Variants in PLEKHA5 observed in about 807,000 individuals in gnomAD.
PLEKHA5 encodes pleckstrin homology domain containing A5.
PLEKHA5 carries 55 observed loss-of-function variants against 181.9 expected under a neutral mutation model. That is an observed-to-expected ratio of 0.30 (90% CI 0.24 to 0.38). PLEKHA5 has a LOEUF of 0.38. PLEKHA5 is among the 10% of genes least tolerant of loss of function. PLEKHA5 has a pLI of 1.00. For missense variants in PLEKHA5, 1,432 were observed against 1,549.5 expected (o/e 0.92, Z 1.27); for synonymous variants, 535 against 529.4 (o/e 1.01, Z -0.15).
intron 3 of PLEKHA5, among the ~76,000 whole-genome samples, chr12:19,172,459 G>A (rs113485370): frequency 2.3e-3 from 354 of 151,022 alleles, no homozygotes; most frequent in South Asian, 0.012. Context: ...CAAACGACCC[G>A]GGGGGGCAAA....
At position 19,293,551 on chromosome 12, in the gene PLEKHA5, T is replaced by TA. The variant is rs1376659090; in HGVS notation, c.2037+1860dup. Reference sequence around the variant, plus strand: ...GAAAGCTGCTAAGATACATGGGAAATAAAAAACTCCTTTGTATTTAGAGCT... The same window carrying TA: ...GAAAGCTGCTAAGATACATGGGAAATAAAAAAACTCCTTTGTATTTAGAGCT... On this transcript the variant is annotated intron_variant, in intron 15 of 31. Transcript: ENST00000429027. Among the ~76,000 whole-genome samples the TA allele has an allele frequency of 4.6e-5, 7 of 152,172 alleles. No individual in the cohort carries two copies. The South Asian group carries it at 1.0e-3, about 23-fold the overall frequency.
chr12:19,357,618 G>GGTTT (rs34121449), intron 26 of PLEKHA5, among the ~76,000 whole-genome samples: 30,901 of 150,938 alleles, frequency 0.2, 3,544 homozygotes, highest in East Asian at 0.3. Context: ...GAGTTATGGG[G>GGTTT]GTTTGTTTGT....
chr12:19,272,552 GAC>G (rs1491162198), intron 10 of PLEKHA5, among the ~76,000 whole-genome samples: 1 of 152,018 alleles, frequency 6.6e-6, no homozygotes, highest in Non-Finnish European at 1.5e-5. Context: ...CAACCTAGGT[GAC>G]CAGTGAGACC....
chr12:19,343,308 C>G lies in PLEKHA5; in HGVS notation c.2551-15C>G, dbSNP rs767508272. 1 of 1,522,700 alleles carries G rather than the reference C, an allele frequency of 6.6e-7. No homozygotes were observed. The allele number at this position is 1,522,700 out of a possible 1,614,324, so 94.3% of individuals were successfully genotyped here. A position where few individuals can be genotyped will look rare whatever the true frequency, so the allele number is the denominator to read the frequency against. ...TTTTTTTTCTTATATATGGTCTATC[C>G]ATTTTTACTGATAGACGGAATCAGC... On this transcript the variant is annotated splice_polypyrimidine_tract_variant and intron_variant, in intron 21 of 31. Coordinates refer to ENST00000429027, the MANE Select transcript of PLEKHA5 (RefSeq NM_001256470.2).
intron 15 of PLEKHA5, among the ~76,000 whole-genome samples, chr12:19,295,903 A>G (rs999301970): frequency 3.9e-5 from 6 of 152,154 alleles, no homozygotes; most frequent in Non-Finnish European, 7.3e-5. Flanking sequence ...AGTATCACAC[A>G]CCCTAACCAC....
At chr12:19,239,180 A>C (rs189094148) in intron 3 of PLEKHA5, among the ~76,000 whole-genome samples, 1 of 152,220 alleles carries the variant, frequency 6.6e-6, no homozygotes, top group Admixed American at 6.5e-5. Flanking sequence ...TACGAGGAGG[A>C]TATCTTGATC....
At chr12:19,144,617 A>T (rs1591800525) in intron 3 of PLEKHA5, among the ~76,000 whole-genome samples, 3 of 152,206 alleles carry the variant, frequency 2.0e-5, no homozygotes, top group East Asian at 1.9e-4. Flanking sequence ...GCCAGAGATG[A>T]TAAATAAGTT....
At chr12:19,136,218 T>G (rs2035605520) in intron 3 of PLEKHA5, among the ~76,000 whole-genome samples, 1 of 152,172 alleles carries the variant, frequency 6.6e-6, no homozygotes. Flanking sequence ...TTTAATACTT[T>G]TTTTCTGAAT....
intron 7 of PLEKHA5, among the ~76,000 whole-genome samples, chr12:19,263,572 A>G (rs2069259310): frequency 6.6e-6 from 1 of 152,222 alleles, no homozygotes; most frequent in Non-Finnish European, 1.5e-5. Flanking sequence ...TTTACAGATA[A>G]TGGAAATTAA....
intron 21 of PLEKHA5, among the ~76,000 whole-genome samples, chr12:19,339,370 C>T (rs1409536771): frequency 6.6e-6 from 1 of 152,116 alleles, no homozygotes; most frequent in Non-Finnish European, 1.5e-5. Context: ...AAAATTTGTT[C>T]TTAACTCACA....
intron 25 of PLEKHA5, among the ~76,000 whole-genome samples, chr12:19,349,619 TA>T (rs1408652559): frequency 6.6e-6 from 1 of 151,664 alleles, no homozygotes; most frequent in Non-Finnish European, 1.5e-5. Flanking sequence ...ATTAAAAAGA[TA>T]GATAGGCCAG....
intron 24 of PLEKHA5, among the ~76,000 whole-genome samples, chr12:19,347,470 A>G (rs1178148063): frequency 6.6e-6 from 1 of 152,044 alleles, no homozygotes; most frequent in Non-Finnish European, 1.5e-5. Context: ...CGTATTTTAG[A>G]TATACCATTT....
intron 3 of PLEKHA5, among the ~76,000 whole-genome samples, chr12:19,220,825 A>T (rs1055286896): frequency 6.6e-6 from 1 of 152,340 alleles, no homozygotes; most frequent in African/African-American, 2.4e-5. Flanking sequence ...AAAACAGACA[A>T]CCCAATTAAA....
At chr12:19,292,677 G>A (rs141008336) in intron 15 of PLEKHA5, among the ~76,000 whole-genome samples, 3,400 of 152,248 alleles carry the variant, frequency 0.022, 62 homozygotes, top group Non-Finnish European at 0.034. Context: ...GGTGGCTCCC[G>A]CCTGTAATCC....
chr12:19,278,724 A>T (rs2075281755), intron 11 of PLEKHA5, among the ~76,000 whole-genome samples: 1 of 152,102 alleles, frequency 6.6e-6, no homozygotes, highest in African/African-American at 2.4e-5. Flanking sequence ...GAAACAAAAT[A>T]GGAAATACCC....
chr12:19,356,801 C>T (rs1325518256), intron 26 of PLEKHA5, among the ~76,000 whole-genome samples: 1 of 150,644 alleles, frequency 6.6e-6, no homozygotes, highest in African/African-American at 2.4e-5. Flanking sequence ...GCTGGGCCTA[C>T]AGGCGCCCGC....
chr12:19,368,006 T>C (rs1292054008), intron 30 of PLEKHA5, among the ~76,000 whole-genome samples: 1 of 152,120 alleles, frequency 6.6e-6, no homozygotes, highest in African/African-American at 2.4e-5. Context: ...CCATTCTTCT[T>C]AGGAAAAGCA....
At chr12:19,171,637 G>T (rs148462912) in intron 3 of PLEKHA5, among the ~76,000 whole-genome samples, 102 of 152,188 alleles carry the variant, frequency 6.7e-4, no homozygotes, top group African/African-American at 2.4e-3. Flanking sequence ...GGAATTACAG[G>T]CATGAGCCAC....
At chr12:19,333,492 T>G (rs1290119079) in intron 20 of PLEKHA5, among the ~76,000 whole-genome samples, 4 of 148,382 alleles carry the variant, frequency 2.7e-5, no homozygotes, top group Non-Finnish European at 6.0e-5. Context: ...GGGAGGTCGA[T>G]GCAGAAGAAT....
Sources: gnomAD v4.1 joint callset for allele counts (sites outside exome capture counted in the v4.1 genomes callset) on GRCh38, gnomAD v4.1.1 for gene constraint, MANE v1.5 for transcripts, NCBI Gene and HGNC (gene_info 2026-07-23, HGNC 2026-07-21) for gene names.